Variants in MGST2 observed in about 807,000 individuals in gnomAD.
The protein encoded by MGST2 is glutathione peroxidase MGST2.
In MGST2, 9 loss-of-function variants were observed where a neutral mutation model predicts 16.6. The observed-to-expected ratio is 0.54, with a 90% CI of 0.33 to 0.95. MGST2 has a LOEUF of 0.95. Ranked by LOEUF, MGST2 falls within the 40% of genes least tolerant of loss-of-function variation. The pLI is 0.03. For synonymous variants in MGST2, 79 were observed against 68.0 expected (o/e 1.16, Z -0.79); for missense variants, 159 against 175.1 (o/e 0.91, Z 0.52).
At chr4:139,718,093 C>T (rs960073079) in intron 5 of MGST2, 1 of 152,154 alleles carries the variant, frequency 6.6e-6, no homozygotes, top group Admixed American at 6.5e-5. Context: ...TTTAGAGCAT[C>T]ACTCCCAGGA....
intron 5 of MGST2, chr4:139,719,214 A>G: frequency 7.7e-7 from 1 of 1,305,842 alleles, no homozygotes; most frequent in African/African-American, 1.5e-5. Context: ...AGTTTTGCTC[A>G]GTTTACGTGG....
intron 1 of MGST2, among the ~76,000 whole-genome samples, chr4:139,672,270 C>A (rs998577257): frequency 3.3e-5 from 5 of 152,214 alleles, no homozygotes; most frequent in African/African-American, 1.2e-4. Context: ...GAGCACATAC[C>A]TTTCATTATT....
At chr4:139,722,115 T>C (rs1272886630) in intron 5 of MGST2, among the ~76,000 whole-genome samples, 4 of 152,214 alleles carry the variant, frequency 2.6e-5, no homozygotes, top group Non-Finnish European at 5.9e-5. Context: ...AAGGACTAGA[T>C]ACTGTCTGGA....
intron 2 of MGST2, among the ~76,000 whole-genome samples, chr4:139,683,919 GTTTT>G (rs34222679): frequency 2.4e-4 from 22 of 92,408 alleles, no homozygotes; most frequent in South Asian, 7.9e-4. Flanking sequence ...TCAGTTTTGT[GTTTT>G]TTTTTTTTTT....
At chr4:139,695,343 C>T in intron 3 of MGST2, 76 bp downstream of exon 3, 1 of 1,241,068 alleles carries the variant, frequency 8.1e-7, no homozygotes, top group Non-Finnish European at 1.2e-6. Context: ...GATATATGGC[C>T]AGGCACGGTG....
In MGST2 at chr4:139,673,645, C is replaced by T. The variant is rs561029511; in HGVS notation, c.59-4898C>T. Among the ~76,000 whole-genome samples, 5 of 152,256 alleles carry T rather than the reference C, an allele frequency of 3.3e-5. No individual in the cohort carries two copies. In the South Asian group the frequency reaches 1.0e-3, roughly 32 times the overall value. On this transcript the variant is annotated intron_variant, in intron 1 of 4. Coordinates refer to ENST00000265498, the MANE Select transcript of MGST2 (RefSeq NM_002413.5). ...TCCAGGCTGGTCTCAAACTCCTGGG[C>T]TCAAGCAGTCCTCCTGCCTCGGCCT...
rs889753586 is a variant in MGST2, at chr4:139,735,567, G to A, written c.*49-4645G>A. The stretch of plus-strand genomic sequence containing the variant: ...TGCACAAAGCCGGCCCGGGGAGGGG[G>A]CGATAAGGAGCGAGCCTCGGGTCGG... On this transcript the variant is annotated intron_variant, in intron 5 of 5. Transcript: ENST00000616265. This position sits in a 1 kb window ranked among gnomAD's most constrained non-coding sequence, Gnocchi z 5.8. 6.6e-6 allele frequency among the ~76,000 whole-genome samples: 1 copy of A among 152,166 alleles called. No individual in the cohort carries two copies. The highest frequency in any genetic ancestry group is 2.4e-5 in the African/African-American group (1 of 41,444).
intron 1 of MGST2, among the ~76,000 whole-genome samples, chr4:139,676,469 T>C (rs1000477341): frequency 6.6e-6 from 1 of 152,176 alleles, no homozygotes; most frequent in African/African-American, 2.4e-5. Flanking sequence ...TAGGCAAAAG[T>C]TGATGTTACA....
At chr4:139,713,475 GA>G (rs869071752) in intron 5 of MGST2, among the ~76,000 whole-genome samples, 2 of 40,120 alleles carry the variant, frequency 5.0e-5, no homozygotes, top group African/African-American at 2.4e-4. Flanking sequence ...TGGCAAGACA[GA>G]AAAAAAAAAA....
At chr4:139,693,614 C>G (rs1341002150) in intron 2 of MGST2, among the ~76,000 whole-genome samples, 1 of 152,048 alleles carries the variant, frequency 6.6e-6, no homozygotes, top group Non-Finnish European at 1.5e-5. Flanking sequence ...CATAGCCACT[C>G]AAAAAGATGT....
intron 5 of MGST2, chr4:139,719,325 A>T: frequency 6.3e-7 from 1 of 1,578,572 alleles, no homozygotes. Flanking sequence ...TCTCTTGATT[A>T]GGGGTTACCA....
downstream of MGST2, among the ~76,000 whole-genome samples, chr4:139,742,477 A>G (rs1729202488): frequency 6.6e-6 from 1 of 151,930 alleles, no homozygotes; most frequent in Non-Finnish European, 1.5e-5. Flanking sequence ...TTTAATCAGA[A>G]CTCTTCTTGG....
chr4:139,699,495 C>T (rs1019374043), intron 3 of MGST2, among the ~76,000 whole-genome samples: 3 of 152,096 alleles, frequency 2.0e-5, no homozygotes, highest in Admixed American at 2.0e-4. Flanking sequence ...AGACCTTTTT[C>T]CTAATTTTTC....
chr4:139,741,298 C>T (rs1003378815), downstream of MGST2, among the ~76,000 whole-genome samples: 5 of 152,122 alleles, frequency 3.3e-5, no homozygotes, highest in African/African-American at 1.2e-4. Flanking sequence ...CCGTGAGGGC[C>T]TATGGGGGAT....
chr4:139,732,291 T>A (rs1728755361), intron 5 of MGST2, among the ~76,000 whole-genome samples: 1 of 152,218 alleles, frequency 6.6e-6, no homozygotes, highest in African/African-American at 2.4e-5. Flanking sequence ...GTCCTGGATT[T>A]GATTCCCTAT....
chr4:139,752,163 A>G, the MGST2 span, among the ~76,000 whole-genome samples: 2 of 152,172 alleles, frequency 1.3e-5, no homozygotes. Flanking sequence ...AATAATTCCT[A>G]TTTCATTAGC....
At chr4:139,721,132 A>G (rs1431640526) in intron 5 of MGST2, among the ~76,000 whole-genome samples, 2 of 152,334 alleles carry the variant, frequency 1.3e-5, no homozygotes, top group East Asian at 3.9e-4. Context: ...CATTCCTTCA[A>G]ATCGGCAACG....
chr4:139,746,888 C>G, the MGST2 span, among the ~76,000 whole-genome samples: 1 of 152,086 alleles, frequency 6.6e-6, no homozygotes, highest in Non-Finnish European at 1.5e-5. Flanking sequence ...TAGGGAGAAT[C>G]GGGTGGGAGG....
intron 1 of MGST2, among the ~76,000 whole-genome samples, chr4:139,666,815 G>A (rs1730380202): frequency 6.6e-6 from 1 of 152,144 alleles, no homozygotes; most frequent in South Asian, 2.1e-4. Context: ...CCTGTACCAG[G>A]AAATAGGGCC....
Sources: allele counts gnomAD v4.1 joint callset (sites outside exome capture counted in the v4.1 genomes callset), GRCh38; gene constraint gnomAD v4.1.1; non-coding constraint Gnocchi (gnomAD v3.1); transcripts MANE v1.5; gene names NCBI Gene and HGNC (gene_info 2026-07-23, HGNC 2026-07-21).